CUX2: variants seen among roughly 807,000 people sequenced by gnomAD.
CUX2 encodes the protein homeobox protein cut-like 2.
Under a neutral mutation model 144.8 loss-of-function variants are expected in CUX2, and 40 were observed. That is an observed-to-expected ratio of 0.28 (90% CI 0.21 to 0.36). The LOEUF is 0.36. Among genes scored for constraint, CUX2 ranks in the 10% least tolerant of loss-of-function variants. The pLI, the probability that CUX2 is intolerant of heterozygous loss-of-function variation, is 1.00. For synonymous variants in CUX2, 827 were observed against 875.6 expected (o/e 0.94, Z 0.98); for missense variants, 1,615 against 1,994.0 (o/e 0.81, Z 3.62).
chr12:111,225,203 C>T (rs748450723), intron 3 of CUX2, among the ~76,000 whole-genome samples: 42 of 152,282 alleles, frequency 2.8e-4, no homozygotes, highest in Non-Finnish European at 5.4e-4. Flanking sequence ...TTGAAAAGCC[C>T]CAAGAACAAA....
chr12:111,323,617 C>A (rs1457469432), intron 18 of CUX2, among the ~76,000 whole-genome samples: 2 of 151,526 alleles, frequency 1.3e-5, no homozygotes, highest in African/African-American at 4.9e-5. Flanking sequence ...TAGAGGGAGA[C>A]CGTGTCTCTA....
chr12:111,187,832 A>G (rs1879642123), intron 1 of CUX2, among the ~76,000 whole-genome samples: 1 of 152,118 alleles, frequency 6.6e-6, no homozygotes, highest in East Asian at 1.9e-4. Context: ...GGCAGGGGTG[A>G]TGGGGCTGAG....
At chr12:111,345,851 T>C (rs186976874) in intron 21 of CUX2, among the ~76,000 whole-genome samples, 2,619 of 148,134 alleles carry the variant, frequency 0.018, 75 homozygotes, top group East Asian at 0.12. Flanking sequence ...GGCTCACACC[T>C]GTAATCCCAA....
At chr12:111,170,904 T>G (rs1175882418) in intron 1 of CUX2, among the ~76,000 whole-genome samples, 1 of 151,502 alleles carries the variant, frequency 6.6e-6, no homozygotes, top group Non-Finnish European at 1.5e-5. Context: ...GCCATGGGAG[T>G]GTCTCCTGGG....
intron 3 of CUX2, among the ~76,000 whole-genome samples, chr12:111,235,380 G>C (rs1882690936): frequency 6.6e-6 from 1 of 152,124 alleles, no homozygotes; most frequent in Non-Finnish European, 1.5e-5. Flanking sequence ...GAGGTGTACA[G>C]GCAGGAGGGG....
In CUX2 at chr12:111,341,822, A is replaced by G; in HGVS notation, c.3428A>G (p.Asp1143Gly). The stretch of plus-strand genomic sequence containing the variant: ...TATGGCCTCATCAGCACCGGCTCAG[A>G]CAGTGAGTCCCCGGCCACCCGCTCA... ...RRYGLISTGS[D>G]SESPATRSEC... is the part of the protein sequence containing the mutation. The change falls in exon 21 of 22, where the codon GAC becomes GGC. Residue 1143 changes from aspartate (D) to glycine (G), a missense_variant. This residue lies in a region of CUX2 where 131 missense variants were observed against 223.1 expected (regional missense o/e 0.59). Coordinates refer to ENST00000261726, the MANE Select transcript of CUX2 (RefSeq NM_015267.4). The G allele has an allele frequency of 6.2e-7, 1 of 1,612,424 alleles. No individual in the cohort carries two copies. Among genetic ancestry groups the G allele is most frequent in the Non-Finnish European group, 8.5e-7 (1 of 1,179,766 alleles).
Position 111,347,623 on chromosome 12 carries a change from C to T in CUX2, c.3759C>T (p.His1253=), listed in dbSNP as rs756460527. 1.9e-6 allele frequency: 3 copies of T among 1,608,478 alleles called. No homozygotes were observed. The highest frequency in any genetic ancestry group is 3.3e-5 in the Admixed American group (2 of 59,932). Residue 1253 remains histidine (H), a synonymous_variant, in exon 22 of 22, where the codon CAC becomes CAT. Coordinates refer to ENST00000261726, the MANE Select transcript of CUX2 (RefSeq NM_015267.4). ...GAATCCTACCGCCAGGCCACTCCCA[C>T]CCAGACCCCACCCCGCAGAGCCCTG... ...GPGILPPGHS[H]PDPTPQSPDS...
At chr12:111,133,450 A>G (rs1171832302) in intron 1 of CUX2, among the ~76,000 whole-genome samples, 1 of 152,216 alleles carries the variant, frequency 6.6e-6, no homozygotes, top group African/African-American at 2.4e-5. Flanking sequence ...TAGCAAGAGA[A>G]AAAAAATGAA....
intron 1 of CUX2, among the ~76,000 whole-genome samples, chr12:111,126,153 G>A (rs1202884281): frequency 6.6e-6 from 1 of 151,190 alleles, no homozygotes; most frequent in African/African-American, 2.4e-5. Context: ...CTGTTGCCCA[G>A]GCTGGAGTGC....
intron 1 of CUX2, among the ~76,000 whole-genome samples, chr12:111,203,560 G>GA (rs79337644): frequency 0.015 from 2,200 of 148,798 alleles, 55 homozygotes; most frequent in African/African-American, 0.051. Flanking sequence ...AAAAAAAAAA[G>GA]AAAAAAAAGA....
chr12:111,264,321 CA>C (rs1884273764), intron 4 of CUX2, among the ~76,000 whole-genome samples: 1 of 152,180 alleles, frequency 6.6e-6, no homozygotes, highest in Admixed American at 6.5e-5. Context: ...AATCTAAAAA[CA>C]GACAATTAAT....
chr12:111,105,960 G>A (rs1468703313), intron 1 of CUX2, among the ~76,000 whole-genome samples: 1 of 151,520 alleles, frequency 6.6e-6, no homozygotes, highest in Non-Finnish European at 1.5e-5. Context: ...GACCTCCTGG[G>A]CTCAAGTGAT....
In CUX2 at chr12:111,200,518, G is replaced by T. The variant is rs186313525; in HGVS notation, c.64-13682G>T. On this transcript the variant is annotated intron_variant, in intron 1 of 21. Transcript: ENST00000261726. ...ACTTGGACACTGTTTGTGGAGTGCT[G>T]GGGGGAGGCTAGGATGGGAGCTTCT... is the stretch of plus-strand genomic sequence containing the variant. Among the ~76,000 whole-genome samples the T allele has an allele frequency of 5.9e-5, 9 of 152,064 alleles. No homozygotes were observed. In the East Asian group the frequency reaches 1.6e-3, roughly 26 times the overall value.
intron 4 of CUX2, among the ~76,000 whole-genome samples, chr12:111,279,514 G>A (rs1411824429): frequency 2.0e-5 from 3 of 152,236 alleles, no homozygotes; most frequent in Non-Finnish European, 4.4e-5. Context: ...AATCCAGTAT[G>A]ACTGATGTCC....
chr12:111,238,784 C>T (rs1410565929), intron 3 of CUX2, among the ~76,000 whole-genome samples: 3 of 152,218 alleles, frequency 2.0e-5, no homozygotes, highest in African/African-American at 7.2e-5. Context: ...GTGGCTCACA[C>T]CTGTAATCCC....
intron 1 of CUX2, among the ~76,000 whole-genome samples, chr12:111,094,440 G>T (rs533308329): frequency 6.6e-6 from 1 of 152,366 alleles, no homozygotes; most frequent in East Asian, 1.9e-4. Context: ...GGGGACTGGG[G>T]TCAGAGACCT....
intron 1 of CUX2, among the ~76,000 whole-genome samples, chr12:111,162,689 C>T (rs910926768): frequency 6.6e-6 from 1 of 152,226 alleles, no homozygotes; most frequent in African/African-American, 2.4e-5. Flanking sequence ...CTAATTTAGA[C>T]ACCTACCTAC....
intron 1 of CUX2, among the ~76,000 whole-genome samples, chr12:111,089,042 T>C (rs890045181): frequency 6.6e-6 from 1 of 152,180 alleles, no homozygotes; most frequent in Non-Finnish European, 1.5e-5. Flanking sequence ...GGTGGTATTA[T>C]GACATTTTAC....
intron 3 of CUX2, among the ~76,000 whole-genome samples, chr12:111,244,375 G>C (rs1021334428): frequency 6.6e-6 from 1 of 152,202 alleles, no homozygotes; most frequent in Non-Finnish European, 1.5e-5. Context: ...CTGGGTGCTT[G>C]TCCCGTCCTC....
Sources: gnomAD v4.1 joint callset for allele counts (sites outside exome capture counted in the v4.1 genomes callset) on GRCh38, gnomAD v4.1.1 for gene constraint, gnomAD v4.1.1 regional missense constraint, MANE v1.5 for transcripts, NCBI Gene and HGNC (gene_info 2026-07-23, HGNC 2026-07-21) for gene names.